Variants in COG8 observed in about 807,000 individuals in gnomAD.
COG8 encodes conserved oligomeric Golgi complex subunit 8.
COG8 carries 45 observed loss-of-function variants against 46.5 expected under a neutral mutation model. The ratio of observed to expected loss-of-function variants is 0.97; its 90% CI spans 0.76 to 1.24. The LOEUF is 1.24. COG8 is among the 50% of genes most tolerant of loss of function. The pLI is 0.00. For synonymous variants in COG8, 407 were observed against 347.8 expected, an observed-to-expected ratio of 1.17 and a Z score of -1.90; for missense variants, 793 against 820.8, an observed-to-expected ratio of 0.97 and a Z score of 0.41.
intron 3 of COG8, among the ~76,000 whole-genome samples, chr16:69,334,253 T>C (rs1383682568): frequency 6.6e-6 from 1 of 152,208 alleles, no homozygotes; most frequent in African/African-American, 2.4e-5. Context: ...TGCTGGAAGC[T>C]ACTAAGTTTG....
At chr16:69,330,118 G>A (rs1225589561) in intron 5 of COG8, 1 of 1,584,362 alleles carries the variant, frequency 6.3e-7, no homozygotes, top group African/African-American at 1.4e-5. Context: ...TCACGAACAC[G>A]CGCAGGGGGA....
rs778596903 is a variant in COG8, at chr16:69,332,855, G to A, written c.1441C>T (p.Arg481Cys). ...KVTKIILAFH[R>C]AEEAAFSSGE... ...CTGCTGAAGGCAGCCTCTTCAGCGC[G>A]ATGGAAGGCCAGGATTATTTTAGTT... is the stretch of plus-strand genomic sequence containing the variant. Residue 481 changes from arginine to cysteine, a missense_variant, in exon 4 of 6, where the codon CGC becomes TGC. By Grantham distance (180) the Arg-to-Cys change is radical (BLOSUM62 -3). Coordinates refer to ENST00000306875, the MANE Select transcript of COG8 (RefSeq NM_032382.5). The A allele has an allele frequency of 2.2e-5, 36 of 1,614,110 alleles. No homozygotes were observed. The highest frequency in any genetic ancestry group is 3.3e-5 in the South Asian group (3 of 91,088).
chr16:69,335,828 G>GA (rs1275192502), intron 2 of COG8, among the ~76,000 whole-genome samples: 305 of 131,022 alleles, frequency 2.3e-3, no homozygotes, highest in African/African-American at 7.4e-3. Context: ...AAAAAAAAAA[G>GA]AAAAAAAAAA....
At chr16:69,333,637 A>G (rs1212183049) in intron 3 of COG8, among the ~76,000 whole-genome samples, 2 of 152,228 alleles carry the variant, frequency 1.3e-5, no homozygotes, top group Non-Finnish European at 2.9e-5. Context: ...AAACCAACAG[A>G]GCAGCCTAGC....
At chr16:69,335,740 C>T (rs575368649) in intron 2 of COG8, among the ~76,000 whole-genome samples, 46 of 150,644 alleles carry the variant, frequency 3.1e-4, no homozygotes, top group African/African-American at 1.0e-3. Flanking sequence ...CACTTGAACC[C>T]GGGAGATAAA....
intron 5 of COG8, 86 bp downstream of exon 5, chr16:69,330,727 G>T: frequency 7.0e-7 from 1 of 1,420,616 alleles, no homozygotes; most frequent in South Asian, 1.5e-5. Context: ...CTCTCCTCCC[G>T]GGAGCGCCTT....
chr16:69,332,942 C>T (rs2011977834), intron 3 of COG8, 60 bp from the exon 4 acceptor site: 1 of 1,575,424 alleles, frequency 6.3e-7, no homozygotes, highest in Non-Finnish European at 8.7e-7. Context: ...GACAGCAGTG[C>T]ATGAAACTAG....
In COG8 at chr16:69,330,391, G is replaced by C. The variant is rs773453263; in HGVS notation, c.*26+422C>G. The C allele has an allele frequency of 1.3e-5, 19 of 1,479,006 alleles. No individual in the cohort carries two copies. In the South Asian group the frequency reaches 2.3e-4, roughly 18 times the overall value. The allele number at this position is 1,479,006 out of a possible 1,614,324, so 91.6% of individuals were successfully genotyped here. On this transcript the variant is annotated intron_variant, in intron 5 of 5. Transcript: ENST00000306875. ...GGCACACGTGCGAGAACGGCGGTTC[G>C]GGAGGACCCAGCACCAGACGCCTCA...
chr16:69,331,162 G>A (rs2011800733), intron 4 of COG8, 67 bp from the exon 5 acceptor site: 5 of 1,576,902 alleles, frequency 3.2e-6, no homozygotes, highest in African/African-American at 2.7e-5. Context: ...AGAAATTTAA[G>A]GGAGGCCGGG....
Position 69,331,106 on chromosome 16 carries a change from C to T in COG8, c.1583-11G>A, listed in dbSNP as rs774861686. ...GAGTGGGAGGAATGCCTAACCCAGA[C>T]GTGGGGAAAGCAAAATGGAAAACAG... On this transcript the variant is annotated splice_polypyrimidine_tract_variant and intron_variant, in intron 4 of 5. Transcript: ENST00000306875. The T allele has an allele frequency of 3.1e-6, 5 of 1,613,584 alleles. No individual in the cohort carries two copies. Among genetic ancestry groups the T allele is most frequent in the Non-Finnish European group, 4.2e-6 (5 of 1,179,880 alleles).
chr16:69,338,724 T>G, intron 1 of COG8: 1 of 180,136 alleles, frequency 5.6e-6, no homozygotes, highest in Non-Finnish European at 1.2e-5. Context: ...GCGCAGTGGA[T>G]TATGCCTGTA....
rs1965617196 is a variant in COG8, at chr16:69,327,159, C to CTTTTTTTTTT, written c.*2046_*2047insAAAAAAAAAA. The CTTTTTTTTTT allele has an allele frequency of 1.5e-5, 2 of 130,428 alleles. No homozygotes were observed. Among genetic ancestry groups the CTTTTTTTTTT allele is most frequent in the African/African-American group, 6.0e-5 (2 of 33,216 alleles). 8.1% of individuals were successfully genotyped at this position (130,428 alleles called of 1,614,324 possible). ...TTGCACCAGTATCTGGTTGGGATTC[C>CTTTTTTTTTT]CTTTTTTTTTTTTTTTTTTTTTTTT... is the stretch of plus-strand genomic sequence containing the variant. On this transcript the variant is annotated 3_prime_UTR_variant, in exon 6 of 6. Transcript: ENST00000306875.
Position 69,328,492 on chromosome 16 carries a change from G to A in COG8, c.*714C>T, listed in dbSNP as rs140757673. ...CCTGCCCAAGGCTGTTAAAATGTGT[G>A]GGCACTCATTTACACTCGTGCTGTC... is the stretch of plus-strand genomic sequence containing the variant. On this transcript the variant is annotated 3_prime_UTR_variant, in exon 6 of 6. Coordinates refer to ENST00000306875, the MANE Select transcript of COG8 (RefSeq NM_032382.5). The A allele has an allele frequency of 3.2e-5, 5 of 155,404 alleles. No homozygotes were observed. Among genetic ancestry groups the A allele is most frequent in the African/African-American group, 9.6e-5 (4 of 41,480 alleles). 9.6% of individuals were successfully genotyped at this position (155,404 alleles called of 1,614,324 possible). A position where few individuals can be genotyped will look rare whatever the true frequency, so the allele number is the denominator to read the frequency against.
intron 5 of COG8, 141 bp downstream of exon 5, chr16:69,330,672 C>G: frequency 1.4e-6 from 2 of 1,393,160 alleles, no homozygotes; most frequent in Non-Finnish European, 1.9e-6. Flanking sequence ...GCGACTGGAT[C>G]CCCGCCTTCC....
At chr16:69,330,714 C>A (rs2011750431) in intron 5 of COG8, 99 bp downstream of exon 5, 2 of 1,409,644 alleles carry the variant, frequency 1.4e-6, no homozygotes, top group African/African-American at 1.5e-5. Flanking sequence ...CCGCCCCCTT[C>A]CGCTCTCCTC....
At position 69,334,808 on chromosome 16, in the gene COG8, T is replaced by C. The variant is rs781325680; in HGVS notation, c.1126A>G (p.Ile376Val). The change falls in exon 3 of 6, where the codon ATC becomes GTC. Residue 376 changes from isoleucine (I) to valine (V), a missense_variant. Physicochemically the swap from Ile to Val is conservative, Grantham distance 29. Coordinates refer to ENST00000306875, the MANE Select transcript of COG8 (RefSeq NM_032382.5). ...TGAATTGCTTTCTGGAAAGTGCTGATGGCCACCCGCTGGAAAACAGGAGCC... is the reference window on the plus strand; with the variant it reads ...TGAATTGCTTTCTGGAAAGTGCTGACGGCCACCCGCTGGAAAACAGGAGCC... Reference protein sequence around the residue: ...QLAPVFQRVAISTFQKAIQET... With the variant: ...QLAPVFQRVAVSTFQKAIQET... 1.1e-5 allele frequency: 17 copies of C among 1,614,178 alleles called. No individual in the cohort carries two copies. The highest frequency in any genetic ancestry group is 4.4e-5 in the South Asian group (4 of 91,080).
At position 69,328,834 on chromosome 16, in the gene COG8, T is replaced by G. The variant is rs1290469505; in HGVS notation, c.*372A>C. 1.4e-6 allele frequency: 1 copy of G among 736,308 alleles called. No individual in the cohort carries two copies. The highest frequency in any genetic ancestry group is 1.8e-5 in the African/African-American group (1 of 55,570). The allele number at this position is 736,308 out of a possible 1,614,324, so 45.6% of individuals were successfully genotyped here. A position where few individuals can be genotyped will look rare whatever the true frequency, so the allele number is the denominator to read the frequency against. ...TTTCTCCTCAAGTTGTAGCCAACATTTTGTCCGTAACTGATTTCAGGGCAA... is the reference window on the plus strand; with the variant it reads ...TTTCTCCTCAAGTTGTAGCCAACATGTTGTCCGTAACTGATTTCAGGGCAA... On this transcript the variant is annotated 3_prime_UTR_variant, in exon 6 of 6. Transcript: ENST00000306875.
At position 69,332,921 on chromosome 16, in the gene COG8, A is replaced by G. The variant is rs1462395739; in HGVS notation, c.1414-39T>C. ...GCACCGTCAATTACTGGGACAGCCT[A>G]TCACCACTGGGACAGCAGTGCATGA... is the stretch of plus-strand genomic sequence containing the variant. On this transcript the variant is annotated intron_variant, in intron 3 of 5. Transcript: ENST00000306875. 2.5e-6 allele frequency: 4 copies of G among 1,609,222 alleles called. No individual in the cohort carries two copies. The South Asian group carries it at 3.3e-5, about 13-fold the overall frequency.
chr16:69,333,639 C>T (rs192827879), intron 3 of COG8, among the ~76,000 whole-genome samples: 230 of 152,282 alleles, frequency 1.5e-3, no homozygotes, highest in Admixed American at 4.3e-3. Flanking sequence ...ACCAACAGAG[C>T]AGCCTAGCTG....
Sources: allele counts gnomAD v4.1 joint callset (sites outside exome capture counted in the v4.1 genomes callset), GRCh38; gene constraint gnomAD v4.1.1; transcripts MANE v1.5; gene names NCBI Gene and HGNC (gene_info 2026-07-23, HGNC 2026-07-21).